FCHO2: variants seen among roughly 807,000 people sequenced by gnomAD.
FCHO2 encodes F-BAR domain only protein 2.
Under a neutral mutation model 114.1 loss-of-function variants are expected in FCHO2, and 43 were observed. The ratio of observed to expected loss-of-function variants is 0.38; its 90% CI spans 0.30 to 0.49. The LOEUF is 0.49. FCHO2 is among the 20% of genes least tolerant of loss of function. FCHO2 has a pLI of 0.97. For synonymous variants in FCHO2, 293 were observed against 315.2 expected, an observed-to-expected ratio of 0.93 and a Z score of 0.75; for missense variants, 807 against 950.4, an observed-to-expected ratio of 0.85 and a Z score of 1.98.
intron 2 of FCHO2, among the ~76,000 whole-genome samples, chr5:72,987,329 A>ATGTT (rs751525773): frequency 1.3e-5 from 2 of 151,658 alleles, no homozygotes; most frequent in East Asian, 3.9e-4. Context: ...TTGATTAGGG[A>ATGTT]TGTTTGTTTG....
intron 19 of FCHO2, among the ~76,000 whole-genome samples, chr5:73,072,221 A>G (rs1319695282): frequency 4.6e-5 from 7 of 151,986 alleles, no homozygotes; most frequent in Admixed American, 3.9e-4. Context: ...CATATTTAAG[A>G]GAGTATAATT....
rs576568572 is a variant in FCHO2 at position 73,064,932 on chromosome 5, T to C, written c.1449+988T>C. ...CTTCCTTATACCCAGATACTTTGCT[T>C]ATATTTTTGTTAGTTCATATATCAC... is the stretch of plus-strand genomic sequence containing the variant. On this transcript the variant is annotated intron_variant, in intron 18 of 25. Transcript: ENST00000430046. Among the ~76,000 whole-genome samples the C allele has an allele frequency of 1.3e-4, 20 of 152,172 alleles. No homozygotes were observed. In the South Asian group the frequency reaches 2.7e-3, roughly 20 times the overall value.
At chr5:73,084,297 G>A (rs1743219565) in intron 24 of FCHO2, among the ~76,000 whole-genome samples, 1 of 152,028 alleles carries the variant, frequency 6.6e-6, no homozygotes, top group South Asian at 2.1e-4. Flanking sequence ...ACAGAGCCTT[G>A]CTCTGTTGCC....
intron 24 of FCHO2, among the ~76,000 whole-genome samples, chr5:73,084,371 T>C (rs928121513): frequency 2.6e-5 from 4 of 152,082 alleles, no homozygotes; most frequent in Admixed American, 6.6e-5. Context: ...GTTCAAGCAA[T>C]TCTCCTGCCT....
At chr5:73,038,658 T>C (rs1452589097) in intron 10 of FCHO2, among the ~76,000 whole-genome samples, 4 of 152,214 alleles carry the variant, frequency 2.6e-5, no homozygotes, top group African/African-American at 9.6e-5. Flanking sequence ...AGAATTTCTT[T>C]CATTTTAAAT....
In FCHO2 at chr5:73,054,190, A is replaced by G; in HGVS notation, c.1185+19A>G. On this transcript the variant is annotated intron_variant, in intron 14 of 25. Transcript: ENST00000430046. ...CAGTCCAGTAAGTACAAGATTTTAT[A>G]TTTTTGCCCATTGACTTTTAAAATC... The G allele has an allele frequency of 6.6e-7, 1 of 1,512,548 alleles. No individual in the cohort carries two copies. The highest frequency in any genetic ancestry group is 8.9e-7 in the Non-Finnish European group (1 of 1,126,322). The allele number at this position is 1,512,548 out of a possible 1,614,324, so 93.7% of individuals were successfully genotyped here. A position where few individuals can be genotyped will look rare whatever the true frequency, so the allele number is the denominator to read the frequency against.
intron 16 of FCHO2, among the ~76,000 whole-genome samples, 198 bp downstream of exon 16, chr5:73,056,305 A>G (rs540967103): frequency 1.3e-5 from 2 of 152,260 alleles, no homozygotes; most frequent in African/African-American, 4.8e-5. Context: ...GCATTGACAC[A>G]TCATAATCAC....
At chr5:72,997,455 T>C (rs1380094225) in intron 5 of FCHO2, 3 of 1,595,166 alleles carry the variant, frequency 1.9e-6, no homozygotes, top group Non-Finnish European at 2.6e-6. Context: ...CTCTCCAGCA[T>C]TGTGATCCTG....
intron 1 of FCHO2, among the ~76,000 whole-genome samples, chr5:72,961,612 G>A (rs1463603686): frequency 7.3e-6 from 1 of 137,430 alleles, no homozygotes; most frequent in South Asian, 2.3e-4. Flanking sequence ...TTTTTTTTTT[G>A]AGACGGAGTT....
chr5:73,015,917 G>A (rs1266570067), intron 7 of FCHO2, among the ~76,000 whole-genome samples, 193 bp downstream of exon 7: 2 of 151,968 alleles, frequency 1.3e-5, no homozygotes, highest in East Asian at 1.9e-4. Flanking sequence ...TTTGGCCACC[G>A]AGGATGATAA....
intron 18 of FCHO2, among the ~76,000 whole-genome samples, chr5:73,067,763 A>G (rs549658662): frequency 4.9e-4 from 74 of 152,060 alleles, no homozygotes; most frequent in African/African-American, 1.6e-3. Flanking sequence ...TAAGCAGGAA[A>G]AGGTTTTTGT....
rs540966930 is a variant in FCHO2, at chr5:73,051,601, C to T, written c.997+195C>T. Among the ~76,000 whole-genome samples, 312 of 151,882 alleles carry T rather than the reference C, an allele frequency of 2.1e-3. 1 individual carries two copies. The highest frequency in any genetic ancestry group is 3.9e-3 in the Non-Finnish European group (264 of 68,004). ...GTTTTTTTTGAGACAGAGTCTCGCT[C>T]TCTTGCCCGGGCAGGAGTGCAGTGG... On this transcript the variant is annotated intron_variant, in intron 12 of 25. Transcript: ENST00000430046.
intron 1 of FCHO2, among the ~76,000 whole-genome samples, chr5:72,964,916 G>A (rs1399593765): frequency 2.6e-5 from 4 of 151,848 alleles, no homozygotes; most frequent in African/African-American, 9.7e-5. Flanking sequence ...GTCCTGTTTG[G>A]TATGCGAATC....
chr5:73,032,617 A>G (rs928275611), intron 8 of FCHO2, among the ~76,000 whole-genome samples: 1 of 152,188 alleles, frequency 6.6e-6, no homozygotes, highest in African/African-American at 2.4e-5. Context: ...TGCTAAGATG[A>G]TGATGTAAAA....
intron 1 of FCHO2, among the ~76,000 whole-genome samples, chr5:72,960,353 T>C (rs1483912275): frequency 6.6e-6 from 1 of 152,226 alleles, no homozygotes; most frequent in African/African-American, 2.4e-5. Context: ...TGTTTTGTTA[T>C]TGATAAGTCA....
chr5:73,043,041 G>A (rs1756880056), intron 11 of FCHO2, among the ~76,000 whole-genome samples: 2 of 152,016 alleles, frequency 1.3e-5, no homozygotes, highest in South Asian at 4.1e-4. Flanking sequence ...CAATCATCTT[G>A]CCTCAGCCTC....
intron 2 of FCHO2, among the ~76,000 whole-genome samples, chr5:72,970,268 G>A (rs1752447875): frequency 6.6e-6 from 1 of 152,150 alleles, no homozygotes; most frequent in East Asian, 1.9e-4. Flanking sequence ...ACAGAATATT[G>A]TCTCACAGGA....
Position 73,015,730 on chromosome 5 carries a change from T to A in FCHO2, c.699+6T>A, listed in dbSNP as rs745742229. 1.3e-6 allele frequency: 2 copies of A among 1,528,356 alleles called. No individual in the cohort carries two copies. Among genetic ancestry groups the A allele is most frequent in the South Asian group, 2.5e-5 (2 of 79,802 alleles). 94.7% of individuals were successfully genotyped at this position (1,528,356 alleles called of 1,614,324 possible). On this transcript the variant is annotated splice_donor_region_variant and intron_variant, in intron 7 of 25. Transcript: ENST00000430046. ...TTCATTTGCAGATAGGCCAGGTAAGTTTTTTTACTTTATGTTGAACTATTC... is the reference window on the plus strand; with the variant it reads ...TTCATTTGCAGATAGGCCAGGTAAGATTTTTTACTTTATGTTGAACTATTC...
chr5:73,027,079 A>T lies in FCHO2; in HGVS notation c.797-7578A>T, dbSNP rs191442804. Among the ~76,000 whole-genome samples, 16 of 147,970 alleles carry T rather than the reference A, an allele frequency of 1.1e-4. No individual in the cohort carries two copies. In the East Asian group the frequency reaches 3.1e-3, roughly 29 times the overall value. On this transcript the variant is annotated intron_variant, in intron 8 of 25. Transcript: ENST00000430046. ...GTTCCTCTGGAATTTGAGTCACTGT[A>T]AGAGGATGCTTTGAATATTAAGGCA...
Sources: allele counts gnomAD v4.1 joint callset (sites outside exome capture counted in the v4.1 genomes callset), GRCh38; gene constraint gnomAD v4.1.1; transcripts MANE v1.5; gene names NCBI Gene and HGNC (gene_info 2026-07-23, HGNC 2026-07-21).